The following PCDH19 variants were observed in gnomAD, a reference collection of about 807,000 sequenced individuals.
PCDH19 encodes the protein protocadherin 19.
PCDH19 carries 6 observed loss-of-function variants against 46.2 expected under a neutral mutation model. The observed-to-expected ratio is 0.13, with a 90% CI of 0.07 to 0.26. The LOEUF (loss-of-function observed/expected upper bound fraction) is 0.26, where lower values mean the gene tolerates loss of function less well. Ranked by LOEUF, PCDH19 falls within the 10% of genes least tolerant of loss-of-function variation. The pLI is 1.00. For missense variants in PCDH19, 740 were observed against 972.3 expected (o/e 0.76, Z 3.18); for synonymous variants, 481 against 415.7 (o/e 1.16, Z -1.91).
At chrX:100,302,520 G>T (rs1225756542) in intron 5 of PCDH19, among the ~76,000 whole-genome samples, 4 of 111,851 alleles carry the variant, frequency 3.6e-5, no homozygotes, top group African/African-American at 1.3e-4. Context: ...AATAAATATG[G>T]TCAGCCCTCT....
intron 3 of PCDH19, among the ~76,000 whole-genome samples, chrX:100,357,575 C>T (rs1926754269): frequency 8.9e-6 from 1 of 111,745 alleles, no homozygotes; most frequent in African/African-American, 3.3e-5. Context: ...TTTTCAAGAC[C>T]TTACAGTAGC....
At chrX:100,321,891 G>A (rs1228158343) in intron 5 of PCDH19, among the ~76,000 whole-genome samples, 1 of 96,064 alleles carries the variant, frequency 1.0e-5, no homozygotes, top group African/African-American at 3.9e-5. Flanking sequence ...CCGGGTTCAC[G>A]CCATTCTCCT....
intron 5 of PCDH19, among the ~76,000 whole-genome samples, chrX:100,304,765 G>A (rs1477342994): frequency 8.9e-6 from 1 of 112,258 alleles, no homozygotes; most frequent in African/African-American, 3.2e-5. Flanking sequence ...CACACTTAGA[G>A]AAATGCAAAA....
chrX:100,319,360 T>C (rs1416196056), intron 5 of PCDH19, among the ~76,000 whole-genome samples: 1 of 111,923 alleles, frequency 8.9e-6, no homozygotes, highest in Non-Finnish European at 1.9e-5. Context: ...GGAAAAACAG[T>C]AATCACTTTC....
rs3222341 is a variant in PCDH19 at position 100,313,857 on chromosome X, TCACACACACACACA to T, written c.2849-16996_2849-16983del. Among the ~76,000 whole-genome samples the T allele has an allele frequency of 7.1e-4, 54 of 76,286 alleles. 1 individual carries two copies. The highest frequency in any genetic ancestry group is 5.4e-3 in the South Asian group (8 of 1,473). The allele number at this position is 76,286 out of a possible 115,157, so 66.2% of individuals were successfully genotyped here. The stretch of plus-strand genomic sequence containing the variant: ...AATTCAAAGAGCCCTCTGCTGTTAA[TCACACACACACACA>T]CACACACACACACACACACACACAC... On this transcript the variant is annotated intron_variant, in intron 5 of 5. Coordinates refer to ENST00000373034, the MANE Select transcript of PCDH19 (RefSeq NM_001184880.2).
intron 5 of PCDH19, among the ~76,000 whole-genome samples, chrX:100,338,341 CA>C (rs1192568481): frequency 0.26 from 9,449 of 36,000 alleles, 483 homozygotes; most frequent in Middle Eastern, 0.48. Flanking sequence ...GACTCCGTCT[CA>C]AAAAAAAAAA....
At chrX:100,393,372 G>A (rs1927917039) in intron 3 of PCDH19, among the ~76,000 whole-genome samples, 1 of 110,521 alleles carries the variant, frequency 9.0e-6, no homozygotes, top group South Asian at 3.9e-4. Context: ...AGCCGGCAAA[G>A]GCTCCATCAT....
chrX:100,333,155 A>G (rs1163751407), intron 5 of PCDH19, among the ~76,000 whole-genome samples: 878 of 53,562 alleles, frequency 0.016, 28 homozygotes, highest in East Asian at 0.035. Context: ...GGAAGGAAGG[A>G]AGGAAGGAAG....
At position 100,402,782 on chromosome X, in the gene PCDH19, G is replaced by A. The variant is rs768467022; in HGVS notation, c.2358C>T (p.Ile786=). The A allele has an allele frequency of 1.7e-5, 21 of 1,209,466 alleles. No individual in the cohort carries two copies. The highest frequency in any genetic ancestry group is 2.3e-5 in the Non-Finnish European group (21 of 894,668). Residue 786 remains isoleucine, a synonymous_variant, in exon 3 of 6, where the codon ATC becomes ATT. Coordinates refer to ENST00000373034, the MANE Select transcript of PCDH19 (RefSeq NM_001184880.2). ...CCTCCACATCCCGGGGTACCAGGCG[G>A]ATGTCATTCTTACTGATTTTTTTCT... ...SKKKKISKND[I]RLVPRDVEET...
chrX:100,320,334 C>T (rs1210439844), intron 5 of PCDH19, among the ~76,000 whole-genome samples: 1 of 112,058 alleles, frequency 8.9e-6, no homozygotes, highest in Non-Finnish European at 1.9e-5. Flanking sequence ...GAACCCAAAG[C>T]GAGGAAGCAA....
In PCDH19 at chrX:100,296,519, G is replaced by A. The variant is rs1403828540; in HGVS notation, c.3205C>T (p.Leu1069Phe). Reference protein sequence around the residue: ...CEAISPVTSPLHLKSSLPTKP... With the variant: ...CEAISPVTSPFHLKSSLPTKP... ...GTGGGCAGAGAGCTCTTGAGGTGGA[G>A]GGGGGAGGTGACAGGGCTAATCGCC... The change falls in exon 6 of 6, where the codon CTC becomes TTC. Residue 1069 changes from leucine (L) to phenylalanine (F), a missense_variant. Transcript: ENST00000373034. 8.3e-6 allele frequency: 10 copies of A among 1,208,397 alleles called. No homozygotes were observed. The highest frequency in any genetic ancestry group is 8.9e-6 in the Non-Finnish European group (8 of 894,222).
At chrX:100,321,735 C>A (rs1925488178) in intron 5 of PCDH19, among the ~76,000 whole-genome samples, 1 of 96,844 alleles carries the variant, frequency 1.0e-5, no homozygotes, top group Non-Finnish European at 2.1e-5. Context: ...CTGACTGTTT[C>A]TTTTGCAGTG....
chrX:100,375,126 A>AT (rs980265099), intron 3 of PCDH19, among the ~76,000 whole-genome samples: 3 of 111,182 alleles, frequency 2.7e-5, no homozygotes, highest in East Asian at 2.9e-4. Flanking sequence ...TTTTTTTCTT[A>AT]TTTTTTTATT....
chrX:100,303,154 A>G (rs1311978885), intron 5 of PCDH19, among the ~76,000 whole-genome samples: 2 of 111,117 alleles, frequency 1.8e-5, no homozygotes, highest in Non-Finnish European at 3.8e-5. Flanking sequence ...TACATTTGCC[A>G]TAGACCTGCA....
At chrX:100,333,787 T>G (rs1176263351) in intron 5 of PCDH19, among the ~76,000 whole-genome samples, 1 of 89,306 alleles carries the variant, frequency 1.1e-5, no homozygotes, top group African/African-American at 4.6e-5. Flanking sequence ...TTTTTCCTCT[T>G]CATTTTTTTT....
intron 3 of PCDH19, among the ~76,000 whole-genome samples, chrX:100,392,131 G>A (rs894744157): frequency 3.6e-5 from 4 of 112,022 alleles, no homozygotes; most frequent in African/African-American, 1.3e-4. Context: ...TTCCAACAAC[G>A]CCCAGTGCCA....
chrX:100,322,852 TATA>T lies in PCDH19; in HGVS notation c.2848+19048_2848+19050del, dbSNP rs1222063711. Among the ~76,000 whole-genome samples the T allele has an allele frequency of 1.7e-4, 10 of 58,294 alleles. 1 individual carries two copies. The highest frequency in any genetic ancestry group is 3.2e-4 in the African/African-American group (4 of 12,474). 50.6% of individuals were successfully genotyped at this position (58,294 alleles called of 115,157 possible). On this transcript the variant is annotated intron_variant, in intron 5 of 5. Coordinates refer to ENST00000373034, the MANE Select transcript of PCDH19 (RefSeq NM_001184880.2). The stretch of plus-strand genomic sequence containing the variant: ...TCCTAAGTATATATATATATATATA[TATA>T]TATATATATATTTTTGCAGCTATTG...
intron 1 of PCDH19, among the ~76,000 whole-genome samples, chrX:100,404,143 G>T (rs1928277479): frequency 8.9e-6 from 1 of 111,856 alleles, no homozygotes; most frequent in Admixed American, 9.5e-5. Context: ...TAATCACATG[G>T]AAAGACACGC....
At chrX:100,304,808 A>C (rs1234319553) in intron 5 of PCDH19, among the ~76,000 whole-genome samples, 1 of 112,508 alleles carries the variant, frequency 8.9e-6, no homozygotes, top group Admixed American at 9.4e-5. Context: ...AGAATTGAAC[A>C]AAAGAAGAAA....
Sources: allele counts gnomAD v4.1 joint callset (sites outside exome capture counted in the v4.1 genomes callset), GRCh38; gene constraint gnomAD v4.1.1; transcripts MANE v1.5; gene names NCBI Gene and HGNC (gene_info 2026-07-23, HGNC 2026-07-21).